Variants in POC1B observed in about 807,000 individuals in gnomAD.
POC1B encodes POC1 centriolar protein B.
POC1B carries 44 observed loss-of-function variants against 60.6 expected under a neutral mutation model. The observed-to-expected ratio is 0.73, with a 90% CI of 0.57 to 0.93. POC1B has a LOEUF of 0.93. POC1B is among the 40% of genes least tolerant of loss of function. The pLI is 0.00. For synonymous variants in POC1B, 180 were observed against 198.9 expected (o/e 0.90, Z 0.80); for missense variants, 555 against 572.3 (o/e 0.97, Z 0.31).
chr12:89,505,045 C>T (rs988917551), intron 2 of POC1B, among the ~76,000 whole-genome samples: 2 of 152,126 alleles, frequency 1.3e-5, no homozygotes, highest in African/African-American at 4.8e-5. Context: ...AGGCACTTTG[C>T]AAAAGAAGAT....
At chr12:89,518,400 T>C (rs1222144581) in intron 2 of POC1B, among the ~76,000 whole-genome samples, 1 of 152,228 alleles carries the variant, frequency 6.6e-6, no homozygotes, top group African/African-American at 2.4e-5. Context: ...TACTAGCCTG[T>C]TCTAAAGTCT....
At chr12:89,405,768 A>G in the POC1B span, among the ~76,000 whole-genome samples, 1 of 151,820 alleles carries the variant, frequency 6.6e-6, no homozygotes, top group South Asian at 2.1e-4. Context: ...CAGCATGGGC[A>G]GCATGGTGAG....
At chr12:89,522,021 A>G (rs1261811177) in intron 2 of POC1B, 6 of 398,918 alleles carry the variant, frequency 1.5e-5, no homozygotes, top group Non-Finnish European at 2.7e-5. Flanking sequence ...TAGTACATTC[A>G]TAACTTAAGG....
chr12:89,524,427 G>C, intron 2 of POC1B: 1 of 1,613,918 alleles, frequency 6.2e-7, no homozygotes, highest in Non-Finnish European at 8.5e-7. Context: ...CCAGCTCCCT[G>C]GCACGGCCGG....
At chr12:89,492,327 TAGAAA>T (rs1214208667) in intron 3 of POC1B, among the ~76,000 whole-genome samples, 4 of 151,800 alleles carry the variant, frequency 2.6e-5, no homozygotes, top group Non-Finnish European at 4.4e-5. Context: ...AACTAAAGGG[TAGAAA>T]AGAAGAGAAT....
chr12:89,452,441 G>C (rs1254895147), intron 10 of POC1B, among the ~76,000 whole-genome samples: 1 of 151,778 alleles, frequency 6.6e-6, no homozygotes, highest in Non-Finnish European at 1.5e-5. Flanking sequence ...TTATACGGCA[G>C]AGTTCAAGTC....
intron 8 of POC1B, 40 bp from the exon 9 acceptor site, chr12:89,466,962 C>A: frequency 1.3e-6 from 2 of 1,564,826 alleles, no homozygotes; most frequent in Non-Finnish European, 1.7e-6. Flanking sequence ...TATTGACTTG[C>A]ATGTACAAGC....
intron 2 of POC1B, chr12:89,501,820 A>G (rs1234563866): frequency 3.4e-6 from 4 of 1,181,640 alleles, no homozygotes; most frequent in African/African-American, 1.5e-5. Flanking sequence ...GAATATTGGG[A>G]AAAAAACTAT....
the POC1B span, among the ~76,000 whole-genome samples, chr12:89,403,760 C>T: frequency 6.6e-6 from 1 of 152,142 alleles, no homozygotes; most frequent in African/African-American, 2.4e-5. Flanking sequence ...AAAGGAGGCC[C>T]GTTTTGCTTT....
chr12:89,476,068 G>A lies in POC1B; in HGVS notation c.453-3793C>T, dbSNP rs116050056. Among the ~76,000 whole-genome samples the A allele has an allele frequency of 5.1e-3, 777 of 151,692 alleles. 9 individuals carry two copies. Among genetic ancestry groups the A allele is most frequent in the African/African-American group, 0.018 (727 of 41,296 alleles). On this transcript the variant is annotated intron_variant, in intron 4 of 11. Transcript: ENST00000313546. The stretch of plus-strand genomic sequence containing the variant: ...ATTACAGGCTTGTGCCACCTTGCAC[G>A]GCGAAGTTTTGTAATTTTTGTAGAG...
chr12:89,451,377 ATACTC>A (rs912881311), intron 10 of POC1B, among the ~76,000 whole-genome samples: 5 of 152,228 alleles, frequency 3.3e-5, no homozygotes, highest in Non-Finnish European at 5.9e-5. Flanking sequence ...GAAAAACAAA[ATACTC>A]TAGGAATTAA....
Position 89,524,254 on chromosome 12 carries a change from C to A in POC1B, c.100+866G>T, listed in dbSNP as rs757121302. On this transcript the variant is annotated intron_variant, in intron 2 of 11. Transcript: ENST00000313546. ...ACTGAGGTAAATATTGATGGCGTATCTCTCAATGAGTTCTTCTTGCTGCTT... is the reference window on the plus strand; with the variant it reads ...ACTGAGGTAAATATTGATGGCGTATATCTCAATGAGTTCTTCTTGCTGCTT... 45 of 1,613,856 alleles carry A rather than the reference C, an allele frequency of 2.8e-5. No individual in the cohort carries two copies. Among genetic ancestry groups the A allele is most frequent in the Non-Finnish European group, 3.7e-5 (44 of 1,179,876 alleles).
intron 2 of POC1B, chr12:89,524,267 C>T (rs1283286896): frequency 6.2e-7 from 1 of 1,613,966 alleles, no homozygotes. Flanking sequence ...TCAATGAGTT[C>T]TTCTTGCTGC....
At chr12:89,454,013 T>C (rs899380897) in intron 10 of POC1B, among the ~76,000 whole-genome samples, 1 of 152,028 alleles carries the variant, frequency 6.6e-6, no homozygotes, top group African/African-American at 2.4e-5. Context: ...TGCTAGAAAA[T>C]AAAAATCTAA....
chr12:89,468,478 A>ACT (rs1882767633), intron 7 of POC1B, among the ~76,000 whole-genome samples: 1 of 152,218 alleles, frequency 6.6e-6, no homozygotes, highest in African/African-American at 2.4e-5. Flanking sequence ...TTTTAGGGAA[A>ACT]AACATCTTGT....
chr12:89,422,040 C>T (rs1260323492), intron 11 of POC1B, among the ~76,000 whole-genome samples: 1 of 150,232 alleles, frequency 6.7e-6, no homozygotes, highest in Admixed American at 6.6e-5. Context: ...TCTTTTGTAT[C>T]TTTTTTTTTT....
intron 2 of POC1B, among the ~76,000 whole-genome samples, chr12:89,518,619 A>T (rs1426983633): frequency 6.6e-6 from 1 of 152,116 alleles, no homozygotes; most frequent in Non-Finnish European, 1.5e-5. Context: ...ACATTCTCAT[A>T]ATCCCCTACC....
At chr12:89,523,281 G>T in intron 2 of POC1B, 2 of 1,614,046 alleles carry the variant, frequency 1.2e-6, no homozygotes, top group Non-Finnish European at 1.7e-6. Context: ...ACCAGTCAAA[G>T]CTCTTGCATC....
At chr12:89,525,572 C>A (rs1239030323) in intron 1 of POC1B, 7 of 1,289,840 alleles carry the variant, frequency 5.4e-6, no homozygotes, top group Non-Finnish European at 6.8e-6. Flanking sequence ...TTTAATACTT[C>A]CTAGGTGATT....
Sources: allele counts gnomAD v4.1 joint callset (sites outside exome capture counted in the v4.1 genomes callset), GRCh38; gene constraint gnomAD v4.1.1; transcripts MANE v1.5; gene names NCBI Gene and HGNC (gene_info 2026-07-23, HGNC 2026-07-21).